The following NDUFAF6 variants were observed in gnomAD, a reference collection of about 807,000 sequenced individuals.
NDUFAF6 encodes NADH dehydrogenase (ubiquinone) complex I, assembly factor 6.
In NDUFAF6, 45 loss-of-function variants were observed where a neutral mutation model predicts 40.8. The ratio of observed to expected loss-of-function variants is 1.10; its 90% confidence interval spans 0.87 to 1.42. The LOEUF is 1.42. Among genes scored for constraint, NDUFAF6 ranks in the 40% most tolerant of loss-of-function variants. NDUFAF6 has a pLI of 0.00. For synonymous variants in NDUFAF6, 185 were observed against 155.9 expected, an observed-to-expected ratio of 1.19 and a Z score of -1.39; for missense variants, 435 against 418.5, an observed-to-expected ratio of 1.04 and a Z score of -0.34.
intron 1 of NDUFAF6, among the ~76,000 whole-genome samples, chr8:94,980,630 G>A (rs1377519531): frequency 1.4e-5 from 2 of 145,644 alleles, no homozygotes; most frequent in Non-Finnish European, 3.0e-5. Flanking sequence ...TTTTTTAGTA[G>A]GGGGGTGGGG....
At position 95,041,570 on chromosome 8, in the gene NDUFAF6, G is replaced by A. The variant is rs1830150197; in HGVS notation, c.421G>A (p.Ala141Thr). The change falls in exon 4 of 9, where the codon GCT becomes ACT. Residue 141 changes from alanine (A) to threonine (T), a missense_variant and splice_region_variant. Coordinates refer to ENST00000396124, the MANE Select transcript of NDUFAF6 (RefSeq NM_152416.4). ...HQPVAIELWK[A>T]VKRHNLTKRW... ...ACTTATAATGCTCTTTGTTTTTTAG[G>A]CTGTTAAAAGACATAATCTGACTAA... is the stretch of plus-strand genomic sequence containing the variant. The A allele has an allele frequency of 1.2e-6, 2 of 1,602,578 alleles. No homozygotes were observed. Among genetic ancestry groups the A allele is most frequent in the African/African-American group, 1.3e-5 (1 of 74,584 alleles).
At chr8:94,946,189 C>T (rs558700711) in intron 2 of NDUFAF6, among the ~76,000 whole-genome samples, 3 of 151,466 alleles carry the variant, frequency 2.0e-5, no homozygotes, top group African/African-American at 7.3e-5. Context: ...CTCACTGTTA[C>T]TTAACATTTT....
chr8:95,064,185 C>T (rs759321853), intron 9 of NDUFAF6, among the ~76,000 whole-genome samples: 87 of 151,752 alleles, frequency 5.7e-4, no homozygotes, highest in Non-Finnish European at 4.7e-4. Flanking sequence ...TCCCTGCACC[C>T]GGCCTCTTGT....
upstream of NDUFAF6, among the ~76,000 whole-genome samples, chr8:95,098,519 A>C (rs1317776352): frequency 2.0e-5 from 3 of 151,986 alleles, no homozygotes; most frequent in African/African-American, 7.2e-5. Context: ...TACAAAAATT[A>C]GCCGGGCATG....
chr8:94,980,454 T>TG (rs1825336071), intron 1 of NDUFAF6, among the ~76,000 whole-genome samples: 2 of 145,872 alleles, frequency 1.4e-5, no homozygotes, highest in African/African-American at 5.0e-5. Flanking sequence ...TTTTTTTTTT[T>TG]TTTTTTTTGA....
At chr8:95,030,528 T>G (rs1489955830) in intron 1 of NDUFAF6, among the ~76,000 whole-genome samples, 1 of 152,174 alleles carries the variant, frequency 6.6e-6, no homozygotes. Context: ...GCCACCATGC[T>G]GGGCCCTGTC....
intron 4 of NDUFAF6, among the ~76,000 whole-genome samples, chr8:95,113,913 A>G (rs557292225): frequency 6.6e-6 from 1 of 150,848 alleles, no homozygotes; most frequent in South Asian, 2.1e-4. Flanking sequence ...AGAACAAAAA[A>G]CCAAACACCG....
intron 2 of NDUFAF6, among the ~76,000 whole-genome samples, chr8:95,092,417 A>C (rs13276468): frequency 6.6e-6 from 1 of 151,668 alleles, no homozygotes; most frequent in Non-Finnish European, 1.5e-5. Flanking sequence ...CCTGATCTCA[A>C]GTGAGCCACC....
chr8:95,017,314 G>T (rs1161106674), intron 2 of NDUFAF6, among the ~76,000 whole-genome samples: 2 of 152,048 alleles, frequency 1.3e-5, no homozygotes, highest in African/African-American at 4.8e-5. Context: ...ACAGAGGCAT[G>T]TGGAGTCATG....
downstream of NDUFAF6, among the ~76,000 whole-genome samples, chr8:95,105,697 T>C (rs1385416224): frequency 1.3e-5 from 2 of 152,022 alleles, no homozygotes; most frequent in African/African-American, 4.8e-5. Context: ...GAGACGGAGT[T>C]TCACCATGTT....
chr8:94,912,657 C>A (rs1008075570), intron 1 of NDUFAF6, among the ~76,000 whole-genome samples: 6 of 151,354 alleles, frequency 4.0e-5, no homozygotes, highest in Non-Finnish European at 8.8e-5. Context: ...AAGAAAAATA[C>A]AAAAAATTAG....
chr8:94,937,914 G>T (rs915625741), intron 1 of NDUFAF6, among the ~76,000 whole-genome samples: 11 of 152,142 alleles, frequency 7.2e-5, no homozygotes, highest in African/African-American at 2.4e-4. Flanking sequence ...TGAGGGAGAG[G>T]TACTTGCTAA....
rs1827208603 is a variant in NDUFAF6 at position 95,011,081 on chromosome 8, A to G, written c.-83-20914A>G. On this transcript the variant is annotated intron_variant, in intron 2 of 9. Coordinates refer to the NDUFAF6 transcript ENST00000396111. ...GAGTGGGATCTTGGCTGCAAAGCTG[A>G]TGCTAGTCCTTAGGGAGCTGTAAAC... Among the ~76,000 whole-genome samples, 3 of 152,246 alleles carry G rather than the reference A, an allele frequency of 2.0e-5. No individual in the cohort carries two copies. In the South Asian group the frequency reaches 6.2e-4, roughly 32 times the overall value.
chr8:95,079,119 G>A (rs1482494442), downstream of NDUFAF6, among the ~76,000 whole-genome samples: 3 of 151,852 alleles, frequency 2.0e-5, no homozygotes, highest in African/African-American at 7.3e-5. Flanking sequence ...TTACAGGCAT[G>A]TGCCACCATG....
chr8:94,910,303 C>T (rs1242001315), intron 1 of NDUFAF6, among the ~76,000 whole-genome samples: 2 of 152,142 alleles, frequency 1.3e-5, no homozygotes, highest in Non-Finnish European at 2.9e-5. Context: ...CAGGCATGTG[C>T]CACCATGCCC....
At chr8:94,901,182 G>C (rs1413399426) in intron 1 of NDUFAF6, among the ~76,000 whole-genome samples, 3 of 152,172 alleles carry the variant, frequency 2.0e-5, no homozygotes, top group Non-Finnish European at 2.9e-5. Flanking sequence ...GGCATATTTA[G>C]TGCACAACGA....
chr8:95,019,083 T>C (rs1827585834), intron 2 of NDUFAF6, among the ~76,000 whole-genome samples: 1 of 152,240 alleles, frequency 6.6e-6, no homozygotes, highest in South Asian at 2.1e-4. Context: ...TGATCTTGGC[T>C]CACTGCAACC....
At chr8:95,056,288 G>A (rs1832128842) in intron 8 of NDUFAF6, among the ~76,000 whole-genome samples, 1 of 149,734 alleles carries the variant, frequency 6.7e-6, no homozygotes, top group Non-Finnish European at 1.5e-5. Context: ...CAGGCTCACT[G>A]CAGCCTTGAC....
At chr8:94,984,643 A>G (rs1387010179) in intron 2 of NDUFAF6, among the ~76,000 whole-genome samples, 1 of 152,222 alleles carries the variant, frequency 6.6e-6, no homozygotes, top group African/African-American at 2.4e-5. Context: ...AAGCCTATCC[A>G]CAGTTGTTTG....
Sources: gnomAD v4.1 joint callset for allele counts (sites outside exome capture counted in the v4.1 genomes callset) on GRCh38, gnomAD v4.1.1 for gene constraint, MANE v1.5 for transcripts, NCBI Gene and HGNC (gene_info 2026-07-23, HGNC 2026-07-21) for gene names.